The following IGF2BP3 variants were observed in gnomAD, a reference collection of about 807,000 sequenced individuals.
IGF2BP3 encodes the protein insulin like growth factor 2 mRNA binding protein 3.
A neutral mutation model predicts 73.8 loss-of-function variants in IGF2BP3; 9 were observed. That is an observed-to-expected ratio of 0.12 (90% CI 0.07 to 0.21). The LOEUF (loss-of-function observed/expected upper bound fraction) is 0.21, where lower values mean the gene tolerates loss of function less well. Ranked by LOEUF, IGF2BP3 falls within the 10% of genes least tolerant of loss-of-function variation. The pLI is 1.00. For missense variants in IGF2BP3, 542 were observed against 714.0 expected, an observed-to-expected ratio of 0.76 and a Z score of 2.75; for synonymous variants, 258 against 256.7, an observed-to-expected ratio of 1.01 and a Z score of -0.05.
At chr7:23,402,737 G>A (rs1786707166) in intron 3 of IGF2BP3, 1 of 152,112 alleles carries the variant, frequency 6.6e-6, no homozygotes, top group African/African-American at 2.4e-5. Flanking sequence ...CTTGTCTTTT[G>A]GCTGACTTTA....
intron 2 of IGF2BP3, among the ~76,000 whole-genome samples, chr7:23,432,827 C>G (rs1787719800): frequency 6.6e-6 from 1 of 152,154 alleles, no homozygotes; most frequent in South Asian, 2.1e-4. Context: ...TTTTCATAAG[C>G]TGTGGTTTCA....
intron 10 of IGF2BP3, among the ~76,000 whole-genome samples, chr7:23,331,350 T>C (rs1784439410): frequency 6.6e-6 from 1 of 152,114 alleles, no homozygotes. Flanking sequence ...TTACATGAAT[T>C]AGTGAAAAAT....
intron 10 of IGF2BP3, among the ~76,000 whole-genome samples, chr7:23,332,632 CTATT>C (rs1386930299): frequency 6.6e-5 from 10 of 152,202 alleles, no homozygotes; most frequent in African/African-American, 2.2e-4. Context: ...TCATTCTTCA[CTATT>C]TAAGTCAGAA....
chr7:23,310,365 C>T lies in IGF2BP3; in HGVS notation c.*1997G>A, dbSNP rs1042444147. 7 of 152,136 alleles carry T rather than the reference C, an allele frequency of 4.6e-5. No individual in the cohort carries two copies. The highest frequency in any genetic ancestry group is 1.7e-4 in the African/African-American group (7 of 41,432). 9.4% of individuals were successfully genotyped at this position (152,136 alleles called of 1,614,324 possible). A position where few individuals can be genotyped will look rare whatever the true frequency, so the allele number is the denominator to read the frequency against. On this transcript the variant is annotated 3_prime_UTR_variant, in exon 15 of 15. Transcript: ENST00000258729. Reference sequence around the variant, plus strand: ...AGCTAGTACCAGATACTCCAAATTACAAATGCTTAAGTAAAAGTAAAATAT... The same window carrying T: ...AGCTAGTACCAGATACTCCAAATTATAAATGCTTAAGTAAAAGTAAAATAT...
At chr7:23,454,268 C>G (rs1005129039) in intron 2 of IGF2BP3, among the ~76,000 whole-genome samples, 4 of 152,106 alleles carry the variant, frequency 2.6e-5, no homozygotes, top group African/African-American at 9.7e-5. Context: ...ATGATCTCTC[C>G]TAAGATAATT....
intron 5 of IGF2BP3, among the ~76,000 whole-genome samples, chr7:23,358,657 T>C (rs1650295847): frequency 6.6e-6 from 1 of 152,240 alleles, no homozygotes; most frequent in South Asian, 2.1e-4. Context: ...GTTTACGCTT[T>C]CTCTGCTACA....
intron 7 of IGF2BP3, among the ~76,000 whole-genome samples, chr7:23,347,089 T>C (rs1428499174): frequency 6.6e-6 from 1 of 152,194 alleles, no homozygotes; most frequent in Non-Finnish European, 1.5e-5. Flanking sequence ...TTCTGTACGC[T>C]AAACGTGGCA....
intron 10 of IGF2BP3, among the ~76,000 whole-genome samples, chr7:23,326,511 A>G (rs977005285): frequency 2.0e-5 from 3 of 151,580 alleles, no homozygotes; most frequent in South Asian, 2.1e-4. Flanking sequence ...CAGTGTGGCA[A>G]TTCCTCAGGG....
At chr7:23,429,298 A>G (rs1465414690) in intron 2 of IGF2BP3, among the ~76,000 whole-genome samples, 1 of 152,248 alleles carries the variant, frequency 6.6e-6, no homozygotes, top group Non-Finnish European at 1.5e-5. Context: ...AAAGATAGAA[A>G]TAAGAACCCA....
chr7:23,435,780 G>C (rs530022969), intron 2 of IGF2BP3, among the ~76,000 whole-genome samples: 16 of 149,222 alleles, frequency 1.1e-4, no homozygotes, highest in African/African-American at 3.7e-4. Context: ...TGTTTTTTGA[G>C]ACAGTCTCGC....
intron 8 of IGF2BP3, among the ~76,000 whole-genome samples, 162 bp downstream of exon 8, chr7:23,345,778 T>A (rs150806182): frequency 8.5e-5 from 13 of 152,298 alleles, no homozygotes; most frequent in African/African-American, 3.1e-4. Context: ...TCAATACGGG[T>A]CAGAAACCTA....
At chr7:23,387,229 A>T (rs552547242) in intron 3 of IGF2BP3, among the ~76,000 whole-genome samples, 2 of 152,292 alleles carry the variant, frequency 1.3e-5, no homozygotes, top group South Asian at 4.1e-4. Context: ...CCATAAACCC[A>T]GTCTAATAAT....
chr7:23,393,536 A>G (rs1786351916), intron 3 of IGF2BP3, among the ~76,000 whole-genome samples: 1 of 152,132 alleles, frequency 6.6e-6, no homozygotes, highest in Admixed American at 6.5e-5. Context: ...CGTGCCCCCA[A>G]AGGGAAACAG....
chr7:23,326,498 A>T (rs1784299694), intron 10 of IGF2BP3, among the ~76,000 whole-genome samples: 1 of 151,686 alleles, frequency 6.6e-6, no homozygotes. Flanking sequence ...CCATTGTGGA[A>T]GTCAGTGTGG....
rs143522999 is a variant in IGF2BP3 at position 23,368,668 on chromosome 7, C to T, written c.286-6927G>A. Among the ~76,000 whole-genome samples, 966 of 152,176 alleles carry T rather than the reference C, an allele frequency of 6.3e-3. 15 individuals carry two copies. The highest frequency in any genetic ancestry group is 0.022 in the African/African-American group (919 of 41,518). ...ATCCCAGCACTTTGGAAGGCCAAAG[C>T]GGGCGGATCACCTGAGGTCAGGAGT... On this transcript the variant is annotated intron_variant, in intron 3 of 14. Coordinates refer to ENST00000258729, the MANE Select transcript of IGF2BP3 (RefSeq NM_006547.3).
At chr7:23,327,365 C>A (rs1371378829) in intron 10 of IGF2BP3, among the ~76,000 whole-genome samples, 1 of 151,350 alleles carries the variant, frequency 6.6e-6, no homozygotes, top group Non-Finnish European at 1.5e-5. Flanking sequence ...ACTGCAAGCT[C>A]CGCCTCCCGG....
intron 2 of IGF2BP3, among the ~76,000 whole-genome samples, chr7:23,422,963 T>TA (rs1179278584): frequency 3.3e-5 from 5 of 152,160 alleles, no homozygotes; most frequent in African/African-American, 1.2e-4. Flanking sequence ...TTAGTAAAGA[T>TA]AGAGTTTCAC....
chr7:23,470,142 GAGAA>G lies in IGF2BP3; in HGVS notation c.-36_-33del. 1 of 1,553,854 alleles carries G rather than the reference GAGAA, an allele frequency of 6.4e-7. No homozygotes were observed. The highest frequency in any genetic ancestry group is 1.9e-5 in the Admixed American group (1 of 51,800). Reference sequence around the variant, plus strand: ...GAGTGGTTGTTTAAAAAAAAATAACGAGAAAAAACGAAAAATTAAAACCACCCAC... The same window carrying G: ...GAGTGGTTGTTTAAAAAAAAATAACGAAAACGAAAAATTAAAACCACCCAC... On this transcript the variant is annotated 5_prime_UTR_variant, in exon 1 of 15. Coordinates refer to ENST00000258729, the MANE Select transcript of IGF2BP3 (RefSeq NM_006547.3).
intron 3 of IGF2BP3, among the ~76,000 whole-genome samples, chr7:23,385,736 A>T (rs1046316849): frequency 1.1e-4 from 16 of 147,568 alleles, no homozygotes; most frequent in African/African-American, 3.7e-4. Flanking sequence ...TTTTTTTATT[A>T]TTTTTTTTTT....
Sources: gnomAD v4.1 joint callset for allele counts (sites outside exome capture counted in the v4.1 genomes callset) on GRCh38, gnomAD v4.1.1 for gene constraint, MANE v1.5 for transcripts, NCBI Gene and HGNC (gene_info 2026-07-23, HGNC 2026-07-21) for gene names.